The following RAX2 variants were observed in gnomAD, a reference collection of about 807,000 sequenced individuals.
RAX2 encodes the protein retina and anterior neural fold homeobox 2, also known as retina and anterior neural fold homeobox protein 2.
A neutral mutation model predicts 5.8 loss-of-function variants in RAX2; 4 were observed. That is an observed-to-expected ratio of 0.69 (90% CI 0.34 to 1.58). RAX2 has a LOEUF of 1.58. Ranked by LOEUF, RAX2 falls within the 40% of genes most tolerant of loss-of-function variation. The probability of loss-of-function intolerance (pLI) is 0.05; values close to 1 mark genes in which losing one functional copy is unlikely to be tolerated. For synonymous variants in RAX2, 133 were observed against 128.8 expected (o/e 1.03, Z -0.22); for missense variants, 275 against 271.4 (o/e 1.01, Z -0.09).
At position 3,770,402 on chromosome 19, in the gene RAX2, G is replaced by A; in HGVS notation, c.*219C>T. 1.8e-6 allele frequency: 1 copy of A among 552,946 alleles called. No homozygotes were observed. Among genetic ancestry groups the A allele is most frequent in the Non-Finnish European group, 3.2e-6 (1 of 315,806 alleles). 34.3% of individuals were successfully genotyped at this position (552,946 alleles called of 1,614,324 possible). On this transcript the variant is annotated 3_prime_UTR_variant, in exon 3 of 3. Transcript: ENST00000555633. ...ACCTCCTGCCTGACACTGGGGGCCA[G>A]TCCGCTGCCAGCAGGACGGGTGGCG...
In RAX2 at chr19:3,771,439, C is replaced by T. The variant is rs1461176717; in HGVS notation, c.216+88G>A. 2 of 1,110,670 alleles carry T rather than the reference C, an allele frequency of 1.8e-6. No individual in the cohort carries two copies. The highest frequency in any genetic ancestry group is 2.6e-5 in the East Asian group (1 of 38,780). 68.8% of individuals were successfully genotyped at this position (1,110,670 alleles called of 1,614,324 possible). A position where few individuals can be genotyped will look rare whatever the true frequency, so the allele number is the denominator to read the frequency against. ...CCTCCAGGAAGCCTTCCTAGCTTCT[C>T]TTCTGCTGTTGCTCCGGGAGGGTCA... On this transcript the variant is annotated intron_variant, in intron 2 of 2. Coordinates refer to ENST00000555633, the MANE Select transcript of RAX2 (RefSeq NM_001319074.4). This position sits in a 1 kb window ranked among gnomAD's most constrained non-coding sequence, Gnocchi z 4.2.
chr19:3,770,582 C>G lies in RAX2; in HGVS notation c.*39G>C. ...GTCACCAGGGCACGTCCCCGGTTCT[C>G]GGGTTGGGCCGAGGAGGGGGCCCGG... On this transcript the variant is annotated 3_prime_UTR_variant, in exon 3 of 3. Coordinates refer to ENST00000555633, the MANE Select transcript of RAX2 (RefSeq NM_001319074.4). 1.3e-6 allele frequency: 2 copies of G among 1,514,410 alleles called. No individual in the cohort carries two copies. Among genetic ancestry groups the G allele is most frequent in the Non-Finnish European group, 1.8e-6 (2 of 1,132,060 alleles). 93.8% of individuals were successfully genotyped at this position (1,514,410 alleles called of 1,614,324 possible). A position where few individuals can be genotyped will look rare whatever the true frequency, so the allele number is the denominator to read the frequency against.
At position 3,770,928 on chromosome 19, in the gene RAX2, C is replaced by T. The variant is rs749374386; in HGVS notation, c.248G>A (p.Arg83His). 15 of 1,561,830 alleles carry T rather than the reference C, an allele frequency of 9.6e-6. No homozygotes were observed. Among genetic ancestry groups the T allele is most frequent in the Admixed American group, 5.6e-5 (3 of 53,870 alleles). Residue 83 changes from arginine to histidine, a missense_variant, in exon 3 of 3, where the codon CGC becomes CAC. Arg to His is a conservative substitution (Grantham distance 29, BLOSUM62 0). Coordinates refer to ENST00000555633, the MANE Select transcript of RAX2 (RefSeq NM_001319074.4). ...GCCTGACTCCAGCCGCTCCTGGCGG[C>T]GCCACTTGGCCCGGCGGTTCTGGAA... ...VWFQNRRAKWRRQERLESGSG... is the reference protein window; with the variant it reads ...VWFQNRRAKWHRQERLESGSG...
rs139146360 is a variant in RAX2 at position 3,770,576 on chromosome 19, G to A, written c.*45C>T. The A allele has an allele frequency of 3.3e-4, 495 of 1,502,470 alleles. 1 individual carries two copies. The Middle Eastern group carries it at 3.5e-3, about 11-fold the overall frequency. 93.1% of individuals were successfully genotyped at this position (1,502,470 alleles called of 1,614,324 possible). A position where few individuals can be genotyped will look rare whatever the true frequency, so the allele number is the denominator to read the frequency against. ...GTGGCTGTCACCAGGGCACGTCCCC[G>A]GTTCTCGGGTTGGGCCGAGGAGGGG... On this transcript the variant is annotated 3_prime_UTR_variant, in exon 3 of 3. Transcript: ENST00000555633.
chr19:3,771,500 G>C lies in RAX2; in HGVS notation c.216+27C>G, dbSNP rs2037259938. ...TTGCCTCCCTCCCCAGGTTGCAAAAGATGTGTGTGTTGGGGGGTGCCCTCA... is the reference window on the plus strand; with the variant it reads ...TTGCCTCCCTCCCCAGGTTGCAAAACATGTGTGTGTTGGGGGGTGCCCTCA... On this transcript the variant is annotated intron_variant, in intron 2 of 2. Transcript: ENST00000555633. The surrounding 1 kb of genome is among the most constrained non-coding windows in gnomAD (Gnocchi z 4.2). 6.4e-7 allele frequency: 1 copy of C among 1,551,488 alleles called. No individual in the cohort carries two copies. The highest frequency in any genetic ancestry group is 2.3e-5 in the East Asian group (1 of 42,794).
Position 3,770,733 on chromosome 19 carries a change from GGCCCGAAGGACGCTTGCA to G in RAX2, c.425_442del (p.Leu142_Gly147del). On this transcript the variant is annotated inframe_deletion, in exon 3 of 3. Coordinates refer to ENST00000555633, the MANE Select transcript of RAX2 (RefSeq NM_001319074.4). ...TGCGAAGGTGGGAGCAAAGGCATGA[GGCCCGAAGGACGCTTGCA>G]GCCCCGGGCCCGGGCCCAGGAGGCG... is the stretch of plus-strand genomic sequence containing the variant. The G allele has an allele frequency of 1.3e-6, 2 of 1,534,394 alleles. No individual in the cohort carries two copies. The highest frequency in any genetic ancestry group is 1.7e-6 in the Non-Finnish European group (2 of 1,145,910).
In RAX2 at chr19:3,771,235, C is replaced by T. The variant is rs2037256157; in HGVS notation, c.217-276G>A. Among the ~76,000 whole-genome samples, 2 of 152,172 alleles carry T rather than the reference C, an allele frequency of 1.3e-5. No homozygotes were observed. Among genetic ancestry groups the T allele is most frequent in the African/African-American group, 4.8e-5 (2 of 41,428 alleles). On this transcript the variant is annotated intron_variant, in intron 2 of 2. Coordinates refer to ENST00000555633, the MANE Select transcript of RAX2 (RefSeq NM_001319074.4). This position sits in a 1 kb window ranked among gnomAD's most constrained non-coding sequence, Gnocchi z 4.2. The stretch of plus-strand genomic sequence containing the variant: ...ACGTGGCATTCAAGGCCTTCAAAAG[C>T]GTTGTTACCCACACCATTCTCTGCC...
Position 3,771,687 on chromosome 19 carries a change from C to CCCGGCCCCAGACCCCCACCCTCGGTTG in RAX2, c.29_55dup (p.Ala10_Pro18dup), listed in dbSNP as rs780405331. 6.2e-7 allele frequency: 1 copy of CCCGGCCCCAGACCCCCACCCTCGGTTG among 1,612,406 alleles called. No individual in the cohort carries two copies. The highest frequency in any genetic ancestry group is 1.7e-5 in the Admixed American group (1 of 59,980). On this transcript the variant is annotated inframe_insertion, in exon 2 of 3. Coordinates refer to ENST00000555633, the MANE Select transcript of RAX2 (RefSeq NM_001319074.4). The surrounding 1 kb of genome is among the most constrained non-coding windows in gnomAD (Gnocchi z 4.2). ...GTGCTTCTTCTTGGGGGCCTCCTCG[C>CCCGGCCCCAGACCCCCACCCTCGGTTG]CCGGCCCCAGACCCCCACCCTCGGT...
At position 3,769,842 on chromosome 19, in the gene RAX2, G is replaced by A. The variant is rs1332561160; in HGVS notation, c.*779C>T. 1 of 152,796 alleles carries A rather than the reference G, an allele frequency of 6.5e-6. No individual in the cohort carries two copies. The highest frequency in any genetic ancestry group is 1.5e-5 in the Non-Finnish European group (1 of 68,526). The allele number at this position is 152,796 out of a possible 1,614,324, so 9.5% of individuals were successfully genotyped here. A position where few individuals can be genotyped will look rare whatever the true frequency, so the allele number is the denominator to read the frequency against. On this transcript the variant is annotated 3_prime_UTR_variant, in exon 3 of 3. Coordinates refer to ENST00000555633, the MANE Select transcript of RAX2 (RefSeq NM_001319074.4). ...TCTGTGGGGACGTGAGGAACGGTCT[G>A]ACGATGACGACACACCCAGCATCAG... is the stretch of plus-strand genomic sequence containing the variant.
chr19:3,770,582 CGGGTT>C lies in RAX2; in HGVS notation c.*34_*38del. 6.6e-7 allele frequency: 1 copy of C among 1,514,410 alleles called. No individual in the cohort carries two copies. The highest frequency in any genetic ancestry group is 8.8e-7 in the Non-Finnish European group (1 of 1,132,060). The allele number at this position is 1,514,410 out of a possible 1,614,324, so 93.8% of individuals were successfully genotyped here. On this transcript the variant is annotated 3_prime_UTR_variant, in exon 3 of 3. Coordinates refer to ENST00000555633, the MANE Select transcript of RAX2 (RefSeq NM_001319074.4). The stretch of plus-strand genomic sequence containing the variant: ...GTCACCAGGGCACGTCCCCGGTTCT[CGGGTT>C]GGGCCGAGGAGGGGGCCCGGGAGGG...
Position 3,770,816 on chromosome 19 carries a change from G to A in RAX2, c.360C>T (p.Pro120=). 6.6e-7 allele frequency: 1 copy of A among 1,519,888 alleles called. No individual in the cohort carries two copies. Among genetic ancestry groups the A allele is most frequent in the Non-Finnish European group, 8.8e-7 (1 of 1,139,918 alleles). 94.2% of individuals were successfully genotyped at this position (1,519,888 alleles called of 1,614,324 possible). A position where few individuals can be genotyped will look rare whatever the true frequency, so the allele number is the denominator to read the frequency against. The change falls in exon 3 of 3, where the codon CCC becomes CCT. Residue 120 remains proline (P), a synonymous_variant. Transcript: ENST00000555633. ...RPPAMSLPLE[P]WLGPGPPAVP... ...CGGCCGGCGGTCCGGGGCCCAACCAGGGCTCCAGGGGCAGCGACATGGCCG... is the reference window on the plus strand; with the variant it reads ...CGGCCGGCGGTCCGGGGCCCAACCAAGGCTCCAGGGGCAGCGACATGGCCG...
chr19:3,771,710 G>T lies in RAX2; in HGVS notation c.33C>A (p.Thr11=). 1 of 1,609,610 alleles carries T rather than the reference G, an allele frequency of 6.2e-7. No homozygotes were observed. The highest frequency in any genetic ancestry group is 8.5e-7 in the Non-Finnish European group (1 of 1,179,292). MFLSPGEGPA[T]EGGGLGPGEE... ...CGCCCGGCCCCAGACCCCCACCCTC[G>T]GTTGCCGGCCCCTCGCCCGGGCTCA... is the stretch of plus-strand genomic sequence containing the variant. The change falls in exon 2 of 3, where the codon ACC becomes ACA. Residue 11 remains threonine, a synonymous_variant. Coordinates refer to ENST00000555633, the MANE Select transcript of RAX2 (RefSeq NM_001319074.4). The surrounding 1 kb of genome is among the most constrained non-coding windows in gnomAD (Gnocchi z 4.2).
chr19:3,769,815 G>A lies in RAX2; in HGVS notation c.*806C>T, dbSNP rs1256086044. 1 of 152,690 alleles carries A rather than the reference G, an allele frequency of 6.5e-6. No individual in the cohort carries two copies. The highest frequency in any genetic ancestry group is 1.5e-5 in the Non-Finnish European group (1 of 68,464). The allele number at this position is 152,690 out of a possible 1,614,324, so 9.5% of individuals were successfully genotyped here. A position where few individuals can be genotyped will look rare whatever the true frequency, so the allele number is the denominator to read the frequency against. On this transcript the variant is annotated 3_prime_UTR_variant, in exon 3 of 3. Transcript: ENST00000555633. ...CACTGGGGACATGCACAGGGCCTGG[G>A]GTCTGTGGGGACGTGAGGAACGGTC...
chr19:3,770,548 G>A lies in RAX2; in HGVS notation c.*73C>T, dbSNP rs1568400427. 2.5e-5 allele frequency: 35 copies of A among 1,383,694 alleles called. No homozygotes were observed. Among genetic ancestry groups the A allele is most frequent in the South Asian group, 1.1e-4 (9 of 78,538 alleles). The allele number at this position is 1,383,694 out of a possible 1,614,324, so 85.7% of individuals were successfully genotyped here. A position where few individuals can be genotyped will look rare whatever the true frequency, so the allele number is the denominator to read the frequency against. ...CCATGACCTCGGCCTAGGCCAAGGC[G>A]TGGTGGCTGTCACCAGGGCACGTCC... On this transcript the variant is annotated 3_prime_UTR_variant, in exon 3 of 3. Transcript: ENST00000555633.
chr19:3,771,291 C>T lies in RAX2; in HGVS notation c.216+236G>A, dbSNP rs1209191102. On this transcript the variant is annotated intron_variant, in intron 2 of 2. Coordinates refer to ENST00000555633, the MANE Select transcript of RAX2 (RefSeq NM_001319074.4). The surrounding 1 kb of genome is among the most constrained non-coding windows in gnomAD (Gnocchi z 4.2). ...CTTCACCCCTGGCTCAAGGGAAACG[C>T]CTCCAACTTAACCCCTCCATGTCTT... Among the ~76,000 whole-genome samples, 2 of 152,156 alleles carry T rather than the reference C, an allele frequency of 1.3e-5. No homozygotes were observed. The highest frequency in any genetic ancestry group is 2.9e-5 in the Non-Finnish European group (2 of 68,028).
Position 3,772,225 on chromosome 19 carries a change from G to A in RAX2, c.-331C>T, listed in dbSNP as rs150444854. 1,652 of 447,024 alleles carry A rather than the reference G, an allele frequency of 3.7e-3. 8 individuals carry two copies. Among genetic ancestry groups the A allele is most frequent in the Admixed American group, 5.3e-3 (220 of 41,594 alleles). The allele number at this position is 447,024 out of a possible 1,614,324, so 27.7% of individuals were successfully genotyped here. On this transcript the variant is annotated 5_prime_UTR_variant, in exon 1 of 3. In the 5' UTR this introduces an upstream ATG that the reference lacks. Coordinates refer to ENST00000555633, the MANE Select transcript of RAX2 (RefSeq NM_001319074.4). ...CCTGCCCCAGCGGGCCTGGCGCTGC[G>A]TCTGCTGTGGCCTGGCCCTGCCGGA...
Position 3,771,419 on chromosome 19 carries a change from A to C in RAX2, c.216+108T>G, listed in dbSNP as rs1056009347. 9.9e-6 allele frequency: 9 copies of C among 905,840 alleles called. No individual in the cohort carries two copies. In the Admixed American group the frequency reaches 1.8e-4, roughly 18 times the overall value. The allele number at this position is 905,840 out of a possible 1,614,324, so 56.1% of individuals were successfully genotyped here. ...CCTCAGCTCCCACACCCCCTCCTCC[A>C]GGAAGCCTTCCTAGCTTCTCTTCTG... On this transcript the variant is annotated intron_variant, in intron 2 of 2. Coordinates refer to ENST00000555633, the MANE Select transcript of RAX2 (RefSeq NM_001319074.4). This position sits in a 1 kb window ranked among gnomAD's most constrained non-coding sequence, Gnocchi z 4.2.
chr19:3,770,846 G>T lies in RAX2; in HGVS notation c.330C>A (p.Arg110=). The change falls in exon 3 of 3, where the codon CGC becomes CGA. Residue 110 remains arginine, a synonymous_variant. Coordinates refer to ENST00000555633, the MANE Select transcript of RAX2 (RefSeq NM_001319074.4). ...LPEAPALPFA[R]PPAMSLPLEP... Reference sequence around the variant, plus strand: ...CCAGGGGCAGCGACATGGCCGGGGGGCGGGCGAACGGCAGCGCTGGGGCCT... The same window carrying T: ...CCAGGGGCAGCGACATGGCCGGGGGTCGGGCGAACGGCAGCGCTGGGGCCT... 6.5e-7 allele frequency: 1 copy of T among 1,528,076 alleles called. No homozygotes were observed. The highest frequency in any genetic ancestry group is 8.7e-7 in the Non-Finnish European group (1 of 1,143,044). 94.7% of individuals were successfully genotyped at this position (1,528,076 alleles called of 1,614,324 possible). A position where few individuals can be genotyped will look rare whatever the true frequency, so the allele number is the denominator to read the frequency against.
intron 1 of RAX2, 25 bp from the exon 2 acceptor site, chr19:3,772,035 G>C: frequency 1.9e-6 from 1 of 513,476 alleles, no homozygotes; most frequent in Non-Finnish European, 3.6e-6. Flanking sequence ...GTCGGCGGGG[G>C]GGGGTCAAGG....
Sources: gnomAD v4.1 joint callset for allele counts (sites outside exome capture counted in the v4.1 genomes callset) on GRCh38, gnomAD v4.1.1 for gene constraint, Gnocchi (gnomAD v3.1) non-coding constraint, MANE v1.5 for transcripts, NCBI Gene and HGNC (gene_info 2026-07-23, HGNC 2026-07-21) for gene names.